Variants in PDE4D observed in about 807,000 individuals in gnomAD.
PDE4D encodes the protein phosphodiesterase 4D.
PDE4D carries 24 observed loss-of-function variants against 87.4 expected under a neutral mutation model. The observed-to-expected ratio is 0.27, with a 90% CI of 0.20 to 0.39. The LOEUF (loss-of-function observed/expected upper bound fraction) is 0.39. Ranked by LOEUF, PDE4D falls within the 10% of genes least tolerant of loss-of-function variation. PDE4D has a pLI of 1.00. For missense variants in PDE4D, 714 were observed against 1,041.0 expected, an observed-to-expected ratio of 0.69 and a Z score of 4.32; for synonymous variants, 384 against 383.2, an observed-to-expected ratio of 1.00 and a Z score of -0.02.
chr5:59,603,563 C>T (rs997809279), intron 1 of PDE4D, among the ~76,000 whole-genome samples: 2 of 151,876 alleles, frequency 1.3e-5, no homozygotes, highest in African/African-American at 4.8e-5. Context: ...TAAATTAGTA[C>T]AGCCATTATA....
At chr5:59,285,119 G>C (rs555369991) in intron 1 of PDE4D, among the ~76,000 whole-genome samples, 8 of 134,234 alleles carry the variant, frequency 6.0e-5, no homozygotes, top group Non-Finnish European at 1.1e-4. Context: ...GCTAGATGAC[G>C]CGTTAGTGGG....
intron 5 of PDE4D, among the ~76,000 whole-genome samples, chr5:59,111,313 T>C (rs764581200): frequency 2.0e-5 from 3 of 152,202 alleles, no homozygotes; most frequent in Non-Finnish European, 4.4e-5. Flanking sequence ...TTGTTTCAAT[T>C]TGCCTCCTTC....
intron 2 of PDE4D, chr5:60,147,936 C>T: frequency 2.9e-6 from 1 of 342,206 alleles, no homozygotes; most frequent in Non-Finnish European, 5.9e-6. Flanking sequence ...AACCTAACCT[C>T]CAAAGTGGCA....
At chr5:59,766,961 C>T (rs1401502932) in intron 1 of PDE4D, among the ~76,000 whole-genome samples, 1 of 152,184 alleles carries the variant, frequency 6.6e-6, no homozygotes, top group Non-Finnish European at 1.5e-5. Flanking sequence ...CTTTCCCAGT[C>T]AGAGATCTAG....
At chr5:60,469,818 C>T (rs1193409345) in intron 1 of PDE4D, among the ~76,000 whole-genome samples, 1 of 152,168 alleles carries the variant, frequency 6.6e-6, no homozygotes, top group African/African-American at 2.4e-5. Flanking sequence ...CACTGACTGG[C>T]TTTTCCCAGA....
chr5:60,105,401 G>T (rs1056964597), intron 2 of PDE4D, among the ~76,000 whole-genome samples: 15 of 152,310 alleles, frequency 9.8e-5, no homozygotes, highest in Non-Finnish European at 1.5e-4. Flanking sequence ...GTACCTCAAA[G>T]TGATGGGGAG....
intron 1 of PDE4D, among the ~76,000 whole-genome samples, chr5:59,889,895 G>A (rs970031857): frequency 1.3e-5 from 2 of 152,046 alleles, no homozygotes; most frequent in Non-Finnish European, 2.9e-5. Context: ...TACCTTGTTT[G>A]ACAGACACAC....
At chr5:60,377,000 C>A (rs1185078173) in intron 1 of PDE4D, among the ~76,000 whole-genome samples, 1 of 152,212 alleles carries the variant, frequency 6.6e-6, no homozygotes, top group East Asian at 1.9e-4. Context: ...TCAACACTGA[C>A]TTTCACCAAT....
intron 1 of PDE4D, among the ~76,000 whole-genome samples, chr5:60,226,672 A>G (rs1745142258): frequency 6.6e-6 from 1 of 152,098 alleles, no homozygotes; most frequent in South Asian, 2.1e-4. Context: ...CAGAAGAAAC[A>G]AGAGTTAAGG....
chr5:60,043,084 G>T (rs1017929034), intron 2 of PDE4D, among the ~76,000 whole-genome samples: 6 of 148,980 alleles, frequency 4.0e-5, no homozygotes, highest in African/African-American at 1.5e-4. Context: ...AGAATAATCA[G>T]TTTAGAGAAG....
chr5:60,477,573 T>C (rs1369967594), intron 1 of PDE4D, among the ~76,000 whole-genome samples: 2 of 152,262 alleles, frequency 1.3e-5, no homozygotes, highest in Non-Finnish European at 2.9e-5. Context: ...CTGAGTGTAT[T>C]AATGGCCCAA....
intron 1 of PDE4D, among the ~76,000 whole-genome samples, chr5:59,727,884 T>C (rs1055229179): frequency 6.6e-6 from 1 of 152,108 alleles, no homozygotes; most frequent in Non-Finnish European, 1.5e-5. Context: ...ATTATTATTA[T>C]TGGAAGGAAG....
intron 1 of PDE4D, among the ~76,000 whole-genome samples, chr5:59,672,968 C>A (rs1262413365): frequency 6.6e-6 from 1 of 152,072 alleles, no homozygotes; most frequent in Non-Finnish European, 1.5e-5. Context: ...CATGTTTTTC[C>A]ATCTATAAAA....
At chr5:59,899,690 A>G (rs1049398007) in intron 3 of PDE4D, among the ~76,000 whole-genome samples, 10 of 152,106 alleles carry the variant, frequency 6.6e-5, no homozygotes, top group African/African-American at 2.4e-4. Flanking sequence ...TATCCAAAAG[A>G]GTAATGGTAG....
intron 1 of PDE4D, among the ~76,000 whole-genome samples, chr5:59,219,847 T>C (rs778226039): frequency 1.5e-4 from 23 of 152,084 alleles, no homozygotes; most frequent in Non-Finnish European, 2.5e-4. Flanking sequence ...AGTTAAAAAA[T>C]GTCCAGCCAG....
At chr5:59,904,257 GTTTC>G (rs939152825) in intron 3 of PDE4D, among the ~76,000 whole-genome samples, 4 of 151,942 alleles carry the variant, frequency 2.6e-5, no homozygotes, top group African/African-American at 9.7e-5. Context: ...TTTTCTTTTT[GTTTC>G]TTTCTTTCTC....
chr5:59,948,831 C>T (rs962434481), intron 3 of PDE4D, among the ~76,000 whole-genome samples: 3 of 152,174 alleles, frequency 2.0e-5, no homozygotes, highest in Non-Finnish European at 2.9e-5. Flanking sequence ...GATTCTAATT[C>T]TGACTTAGCC....
At chr5:60,398,585 A>G (rs1348489840) in intron 1 of PDE4D, among the ~76,000 whole-genome samples, 4 of 152,080 alleles carry the variant, frequency 2.6e-5, no homozygotes, top group Admixed American at 1.3e-4. Flanking sequence ...CTTACTCCCC[A>G]GTGCTAGATC....
At chr5:60,378,408 C>T (rs1330649359) in intron 1 of PDE4D, among the ~76,000 whole-genome samples, 1 of 152,186 alleles carries the variant, frequency 6.6e-6, no homozygotes, top group African/African-American at 2.4e-5. Context: ...ATCCTCTAAT[C>T]ACCTTTGCCA....
Sources: gnomAD v4.1 joint callset for allele counts (sites outside exome capture counted in the v4.1 genomes callset) on GRCh38, gnomAD v4.1.1 for gene constraint, MANE v1.5 for transcripts, NCBI Gene and HGNC (gene_info 2026-07-23, HGNC 2026-07-21) for gene names.